SWT1: variants seen among roughly 807,000 people sequenced by gnomAD.
SWT1 encodes the protein transcriptional protein SWT1.
A neutral mutation model predicts 107.3 loss-of-function variants in SWT1; 33 were observed. That is an observed-to-expected ratio of 0.31 (90% CI 0.23 to 0.41). SWT1 has a LOEUF of 0.41. Among genes scored for constraint, SWT1 ranks in the 10% least tolerant of loss-of-function variants. The pLI, the probability that SWT1 is intolerant of heterozygous loss-of-function variation, is 1.00. For missense variants in SWT1, 898 were observed against 1,028.9 expected (o/e 0.87, Z 1.74); for synonymous variants, 345 against 348.3 (o/e 0.99, Z 0.11).
At chr1:185,211,773 A>G (rs1429263724) in intron 13 of SWT1, among the ~76,000 whole-genome samples, 1 of 152,214 alleles carries the variant, frequency 6.6e-6, no homozygotes, top group Non-Finnish European at 1.5e-5. Context: ...TTATTGTGGC[A>G]CTATTCACAA....
intron 10 of SWT1, among the ~76,000 whole-genome samples, chr1:185,191,931 C>T (rs1298008030): frequency 6.6e-6 from 1 of 151,966 alleles, no homozygotes; most frequent in South Asian, 2.1e-4. Context: ...AGTCGTGTTC[C>T]AAGTGGTGAG....
At chr1:185,224,692 T>G (rs12137767) in intron 15 of SWT1, among the ~76,000 whole-genome samples, 2,326 of 152,280 alleles carry the variant, frequency 0.015, 33 homozygotes, top group Non-Finnish European at 0.027. Flanking sequence ...ATCTTTCACC[T>G]CCTTGATTAG....
rs1237212173 is a variant in SWT1 at position 185,174,676 on chromosome 1, C to G, written c.529C>G (p.Leu177Val). The G allele has an allele frequency of 3.1e-6, 5 of 1,613,642 alleles. No homozygotes were observed. Among genetic ancestry groups the G allele is most frequent in the Non-Finnish European group, 4.2e-6 (5 of 1,179,840 alleles). Residue 177 changes from leucine to valine, a missense_variant, in exon 5 of 19, where the codon CTT becomes GTT. Physicochemically the swap from Leu to Val is conservative, Grantham distance 32 (BLOSUM62 1). Around this residue, in one of 6 missense-constraint regions of SWT1, gnomAD observed 382 missense variants for 362.4 expected, o/e 1.05. Transcript: ENST00000367500. ...QASENKWSHL[L>V]VQREKMKELK... ...AAGTGAAAATAAATGGTCTCATTTA[C>G]TTGTTCAGAGAGAGAAGATGAAAGA...
chr1:185,267,337 T>TC (rs1404408542), intron 16 of SWT1, among the ~76,000 whole-genome samples: 1 of 152,192 alleles, frequency 6.6e-6, no homozygotes, highest in Non-Finnish European at 1.5e-5. Context: ...GGCAACTTGA[T>TC]CAAGGTCGCA....
intron 12 of SWT1, among the ~76,000 whole-genome samples, chr1:185,205,450 C>G (rs1484011061): frequency 6.6e-6 from 1 of 152,136 alleles, no homozygotes; most frequent in Non-Finnish European, 1.5e-5. Flanking sequence ...CTCACTGCAA[C>G]CTCCGCCTCC....
At chr1:185,207,092 A>G (rs1571503078) in intron 13 of SWT1, among the ~76,000 whole-genome samples, 1 of 152,234 alleles carries the variant, frequency 6.6e-6, no homozygotes, top group Non-Finnish European at 1.5e-5. Context: ...TTCTGTTCAG[A>G]TACACCAATA....
At chr1:185,174,099 T>C (rs540839329) in intron 4 of SWT1, among the ~76,000 whole-genome samples, 6 of 152,196 alleles carry the variant, frequency 3.9e-5, no homozygotes, top group Non-Finnish European at 8.8e-5. Context: ...AAAATTATTA[T>C]GATAATAATA....
chr1:185,160,403 A>G (rs1179881705), intron 1 of SWT1, among the ~76,000 whole-genome samples: 1 of 152,144 alleles, frequency 6.6e-6, no homozygotes, highest in African/African-American at 2.4e-5. Flanking sequence ...CATATTGGGA[A>G]TGGTTAAAAA....
chr1:185,161,237 T>C (rs1277683954), intron 2 of SWT1, among the ~76,000 whole-genome samples: 1 of 152,202 alleles, frequency 6.6e-6, no homozygotes, highest in Admixed American at 6.5e-5. Flanking sequence ...CCCTCATTCT[T>C]AGCGATAACT....
intron 15 of SWT1, chr1:185,226,876 G>T: frequency 6.7e-7 from 1 of 1,500,890 alleles, no homozygotes; most frequent in Non-Finnish European, 9.0e-7. Flanking sequence ...TCTTTCTTCT[G>T]AGCAATGGAC....
At chr1:185,214,130 C>A (rs1202818803) in intron 13 of SWT1, among the ~76,000 whole-genome samples, 2 of 152,084 alleles carry the variant, frequency 1.3e-5, no homozygotes, top group Non-Finnish European at 2.9e-5. Flanking sequence ...TAGTCTCACT[C>A]TTCTGATCTC....
intron 16 of SWT1, among the ~76,000 whole-genome samples, chr1:185,269,901 A>G (rs1663725591): frequency 6.6e-6 from 1 of 152,210 alleles, no homozygotes; most frequent in Admixed American, 6.5e-5. Context: ...AAAATATTAC[A>G]AGTCAAAATG....
At chr1:185,258,519 C>A (rs1169352131) in intron 16 of SWT1, among the ~76,000 whole-genome samples, 1 of 152,090 alleles carries the variant, frequency 6.6e-6, no homozygotes, top group Non-Finnish European at 1.5e-5. Flanking sequence ...CAGTGAAGAT[C>A]TTTTAATGGT....
At chr1:185,183,792 A>C (rs1656225623) in intron 7 of SWT1, among the ~76,000 whole-genome samples, 1 of 152,238 alleles carries the variant, frequency 6.6e-6, no homozygotes. Context: ...ATTGATTACT[A>C]TTCTTTCTCT....
chr1:185,160,743 A>C (rs1422899659), intron 1 of SWT1, 90 bp from the exon 2 acceptor site: 3 of 895,442 alleles, frequency 3.4e-6, no homozygotes, highest in African/African-American at 1.7e-5. Flanking sequence ...ATATTGTAAA[A>C]CTCCAATCTT....
chr1:185,276,485 C>A, intron 17 of SWT1, 119 bp from the exon 18 acceptor site: 1 of 521,944 alleles, frequency 1.9e-6, no homozygotes. Flanking sequence ...GCTGTTTAAT[C>A]CTTTTTATGC....
Position 185,178,466 on chromosome 1 carries a change from G to A in SWT1, c.967-1925G>A, listed in dbSNP as rs77627682. On this transcript the variant is annotated intron_variant, in intron 5 of 18. Coordinates refer to ENST00000367500, the MANE Select transcript of SWT1 (RefSeq NM_017673.7). Reference sequence around the variant, plus strand: ...CCATTTGGAATCACTTTGGTAGATAGAACCATTATTATCTTTGTTACGATA... The same window carrying A: ...CCATTTGGAATCACTTTGGTAGATAAAACCATTATTATCTTTGTTACGATA... 5.8e-3 allele frequency among the ~76,000 whole-genome samples: 890 copies of A among 152,302 alleles called. 34 individuals are homozygous for A. In the East Asian group the frequency reaches 0.094, roughly 16 times the overall value.
chr1:185,255,743 G>T (rs1186733929), intron 16 of SWT1, among the ~76,000 whole-genome samples: 1 of 148,350 alleles, frequency 6.7e-6, no homozygotes, highest in Non-Finnish European at 1.5e-5. Context: ...CAATTTGCCA[G>T]TCTGTGTCTT....
rs1322622843 is a variant in SWT1, at chr1:185,256,568, C to T, written c.2442-14755C>T. On this transcript the variant is annotated intron_variant, in intron 16 of 18. Transcript: ENST00000367500. ...GCTGATACCCTTTCTTCCAGTTGAT[C>T]GCATTGGCTCCTGAGGCTTCTGCAT... Among the ~76,000 whole-genome samples the T allele has an allele frequency of 2.9e-3, 416 of 145,268 alleles. 3 individuals carry two copies. Among genetic ancestry groups the T allele is most frequent in the African/African-American group, 0.01 (395 of 38,030 alleles).
Sources: allele counts gnomAD v4.1 joint callset (sites outside exome capture counted in the v4.1 genomes callset), GRCh38; gene constraint gnomAD v4.1.1; regional missense constraint gnomAD v4.1.1; transcripts MANE v1.5; gene names NCBI Gene and HGNC (gene_info 2026-07-23, HGNC 2026-07-21).